ENPP3: variants seen among roughly 807,000 people sequenced by gnomAD.
ENPP3 encodes ectonucleotide pyrophosphatase/phosphodiesterase family member 3.
A neutral mutation model predicts 117.8 loss-of-function variants in ENPP3; 104 were observed. That is an observed-to-expected ratio of 0.88 (90% confidence interval 0.75 to 1.04). The LOEUF (loss-of-function observed/expected upper bound fraction) is 1.04, where lower values mean the gene tolerates loss of function less well. Ranked by LOEUF, ENPP3 falls within the 50% of genes least tolerant of loss-of-function variation. ENPP3 has a pLI of 0.00. For synonymous variants in ENPP3, 380 were observed against 349.9 expected (o/e 1.09, Z -0.96); for missense variants, 1,026 against 1,051.9 (o/e 0.98, Z 0.34).
At chr6:131,652,694 G>A (rs1285079167) in intron 4 of ENPP3, 27 bp downstream of exon 4, 1 of 1,613,594 alleles carries the variant, frequency 6.2e-7, no homozygotes, top group Non-Finnish European at 8.5e-7. Flanking sequence ...TGACTCATTT[G>A]CCCCTGCGAG....
chr6:131,692,775 G>A (rs1249840138), intron 14 of ENPP3, among the ~76,000 whole-genome samples: 1 of 142,848 alleles, frequency 7.0e-6, no homozygotes, highest in African/African-American at 2.6e-5. Flanking sequence ...TATGATATAT[G>A]GTTATATATG....
chr6:131,743,218 A>G (rs1255094341), intron 24 of ENPP3, among the ~76,000 whole-genome samples: 1 of 152,090 alleles, frequency 6.6e-6, no homozygotes, highest in Non-Finnish European at 1.5e-5. Flanking sequence ...TGTTTTGAGA[A>G]GGATGGATTT....
intron 2 of ENPP3, among the ~76,000 whole-genome samples, chr6:131,643,758 A>G (rs1778100799): frequency 2.0e-5 from 3 of 152,208 alleles, no homozygotes; most frequent in South Asian, 4.1e-4. Context: ...TGGTATTATT[A>G]CAATTACTGG....
At position 131,722,841 on chromosome 6, in the gene ENPP3, G is replaced by A. The variant is rs371371809; in HGVS notation, c.1746+436G>A. Among the ~76,000 whole-genome samples the A allele has an allele frequency of 3.9e-5, 6 of 152,290 alleles. No homozygotes were observed. In the East Asian group the frequency reaches 9.7e-4, roughly 25 times the overall value. ...CCCACTAGGGTAGGTGCTGCGGGGT[G>A]TTCCTTTGGGTAGCAGGGAAGAATC... is the stretch of plus-strand genomic sequence containing the variant. On this transcript the variant is annotated intron_variant, in intron 18 of 24. Coordinates refer to ENST00000357639, the MANE Select transcript of ENPP3 (RefSeq NM_005021.5).
At chr6:131,696,841 C>A (rs1365301549) in intron 15 of ENPP3, among the ~76,000 whole-genome samples, 1 of 149,128 alleles carries the variant, frequency 6.7e-6, no homozygotes, top group Non-Finnish European at 1.5e-5. Context: ...GCGATCTCGG[C>A]TCATTGCAAG....
chr6:131,710,057 C>T lies in ENPP3; in HGVS notation c.1413-8615C>T, dbSNP rs1416669600. ...TTTAAAGAAACATTTAACTTAGCAG[C>T]ATGAATCAGTTTCTTCAAAGCTCCT... On this transcript the variant is annotated intron_variant, in intron 15 of 24. Transcript: ENST00000357639. The T allele has an allele frequency of 4.3e-6, 7 of 1,612,876 alleles. No homozygotes were observed. The Admixed American group carries it at 1.2e-4, about 27-fold the overall frequency.
rs1004461868 is a variant in ENPP3, at chr6:131,658,342, A to G, written c.484A>G (p.Ile162Val). Residue 162 changes from isoleucine (I) to valine (V), a missense_variant, in exon 6 of 25, where the codon ATC becomes GTC. Physicochemically the swap from Ile to Val is conservative, Grantham distance 29. Coordinates refer to ENST00000357639, the MANE Select transcript of ENPP3 (RefSeq NM_005021.5). ...CPEGFDLPPV[I>V]LFSMDGFRAE... Reference sequence around the variant, plus strand: ...TTTCAGGTTTGACCTGCCACCAGTTATCTTGTTTTCTATGGATGGATTTAG... The same window carrying G: ...TTTCAGGTTTGACCTGCCACCAGTTGTCTTGTTTTCTATGGATGGATTTAG... 2 of 1,608,026 alleles carry G rather than the reference A, an allele frequency of 1.2e-6. No individual in the cohort carries two copies. Among genetic ancestry groups the G allele is most frequent in the East Asian group, 2.2e-5 (1 of 44,826 alleles).
Position 131,738,070 on chromosome 6 carries a change from A to T in ENPP3, c.2207A>T (p.His736Leu), listed in dbSNP as rs753892883. Residue 736 changes from histidine (H) to leucine (L), a missense_variant, in exon 23 of 25, where the codon CAT becomes CTT. Transcript: ENST00000357639. ...TTCCACAGTGTTCTTCTTATAAAAC[A>T]TGCCACAGAAAGAAATGGAGTAAAT... is the stretch of plus-strand genomic sequence containing the variant. ...DYFHSVLLIK[H>L]ATERNGVNVV... is the part of the protein sequence containing the mutation. 3 of 1,606,702 alleles carry T rather than the reference A, an allele frequency of 1.9e-6. No homozygotes were observed. The highest frequency in any genetic ancestry group is 2.6e-6 in the Non-Finnish European group (3 of 1,174,820).
At chr6:131,654,031 A>G (rs1778322876) in intron 5 of ENPP3, among the ~76,000 whole-genome samples, 1 of 152,112 alleles carries the variant, frequency 6.6e-6, no homozygotes, top group African/African-American at 2.4e-5. Flanking sequence ...TAATGGGAGA[A>G]TGGTGGAAGG....
chr6:131,675,948 C>G (rs967498130), intron 9 of ENPP3, among the ~76,000 whole-genome samples: 5 of 152,198 alleles, frequency 3.3e-5, no homozygotes, highest in African/African-American at 1.2e-4. Flanking sequence ...TAAAAGCTTA[C>G]AAGGCCCTGT....
intron 24 of ENPP3, 62 bp from the exon 25 acceptor site, chr6:131,746,724 T>C: frequency 6.9e-7 from 1 of 1,458,474 alleles, no homozygotes; most frequent in Non-Finnish European, 9.4e-7. Context: ...GCAATAAAAA[T>C]ATTTCTGTTC....
intron 16 of ENPP3, among the ~76,000 whole-genome samples, chr6:131,719,977 T>C (rs1779979369): frequency 6.6e-6 from 1 of 152,190 alleles, no homozygotes; most frequent in Non-Finnish European, 1.5e-5. Context: ...TACTAAATAT[T>C]GTGCCCATAT....
At chr6:131,662,204 A>G (rs909077127) in intron 6 of ENPP3, among the ~76,000 whole-genome samples, 12 of 151,452 alleles carry the variant, frequency 7.9e-5, no homozygotes, top group African/African-American at 2.4e-4. Context: ...AGATCGGTTG[A>G]CCATATAGGC....
intron 1 of ENPP3, among the ~76,000 whole-genome samples, chr6:131,640,473 A>G (rs1778018192): frequency 6.6e-6 from 1 of 152,160 alleles, no homozygotes; most frequent in Non-Finnish European, 1.5e-5. Context: ...TAGCTTCCCA[A>G]TTGTTGAATT....
chr6:131,736,392 G>A (rs1462069017), intron 21 of ENPP3, among the ~76,000 whole-genome samples: 1 of 152,246 alleles, frequency 6.6e-6, no homozygotes, highest in Non-Finnish European at 1.5e-5. Context: ...CAAAGGAAGA[G>A]CAAAGAGATA....
chr6:131,734,179 A>AT (rs1246503261), intron 21 of ENPP3, among the ~76,000 whole-genome samples: 9 of 152,158 alleles, frequency 5.9e-5, no homozygotes, highest in South Asian at 2.1e-4. Context: ...ATAAAATAAA[A>AT]AAAGAAATCA....
chr6:131,737,990 C>G (rs1780436095), intron 22 of ENPP3, 41 bp from the exon 23 acceptor site: 1 of 1,437,702 alleles, frequency 7.0e-7, no homozygotes, highest in Non-Finnish European at 9.5e-7. Context: ...TCATATTTCA[C>G]TGAAGTGGAC....
At chr6:131,739,513 T>G (rs1022539754) in intron 23 of ENPP3, among the ~76,000 whole-genome samples, 4 of 151,970 alleles carry the variant, frequency 2.6e-5, no homozygotes, top group African/African-American at 9.7e-5. Flanking sequence ...ATTCTCAGCT[T>G]CTGCTGTATT....
chr6:131,728,258 A>G (rs2114547019), intron 20 of ENPP3, among the ~76,000 whole-genome samples: 1 of 152,142 alleles, frequency 6.6e-6, no homozygotes, highest in African/African-American at 2.4e-5. Flanking sequence ...TTAATTTTCT[A>G]TTTTGAAAAT....
Sources: gnomAD v4.1 joint callset for allele counts (sites outside exome capture counted in the v4.1 genomes callset) on GRCh38, gnomAD v4.1.1 for gene constraint, MANE v1.5 for transcripts, NCBI Gene and HGNC (gene_info 2026-07-23, HGNC 2026-07-21) for gene names.